Variants in FBXL7 observed in about 807,000 individuals in gnomAD.
FBXL7 encodes F-box and leucine rich repeat protein 7.
FBXL7 carries 12 observed loss-of-function variants against 38.3 expected under a neutral mutation model. The observed-to-expected ratio is 0.31, with a 90% confidence interval of 0.20 to 0.51. The LOEUF (loss-of-function observed/expected upper bound fraction) is 0.51. Ranked by LOEUF, FBXL7 falls within the 20% of genes least tolerant of loss-of-function variation. FBXL7 has a pLI of 0.98. For synonymous variants in FBXL7, 297 were observed against 300.9 expected (o/e 0.99, Z 0.13); for missense variants, 567 against 676.4 (o/e 0.84, Z 1.79).
In FBXL7 at chr5:15,928,169, G is replaced by A. The variant is rs550772953; in HGVS notation, c.407G>A (p.Arg136His). The A allele has an allele frequency of 7.5e-6, 12 of 1,609,698 alleles. No individual in the cohort carries two copies. The highest frequency in any genetic ancestry group is 6.7e-5 in the Admixed American group (4 of 59,508). Residue 136 changes from arginine (R) to histidine (H), a missense_variant, in exon 3 of 4, where the codon CGC becomes CAC. Physicochemically the swap from Arg to His is conservative, Grantham distance 29. Coordinates refer to ENST00000504595, the MANE Select transcript of FBXL7 (RefSeq NM_012304.5). This position sits in a 1 kb window ranked among gnomAD's most constrained non-coding sequence, Gnocchi z 4.0. ...TTCCTGCCCACCAACCAGCTGTGCC[G>A]CTGCGCGCGAGTGTGCCGCCGCTGG... ...FSFLPTNQLC[R>H]CARVCRRWYN...
chr5:15,821,834 C>A (rs1738177607), intron 2 of FBXL7, among the ~76,000 whole-genome samples: 1 of 152,182 alleles, frequency 6.6e-6, no homozygotes, highest in South Asian at 2.1e-4. Flanking sequence ...ATGAGCTGAA[C>A]ATCTCCAAGG....
intron 1 of FBXL7, among the ~76,000 whole-genome samples, chr5:15,508,869 G>A (rs1245590750): frequency 6.6e-6 from 1 of 151,856 alleles, no homozygotes; most frequent in Non-Finnish European, 1.5e-5. Flanking sequence ...TTATTTCTTT[G>A]CCTTTGGTGG....
intron 1 of FBXL7, among the ~76,000 whole-genome samples, chr5:15,533,888 G>T (rs1353125206): frequency 6.6e-6 from 1 of 152,172 alleles, no homozygotes; most frequent in Admixed American, 6.5e-5. Context: ...GGCAAAGAAG[G>T]ATGCTTTGGG....
intron 1 of FBXL7, among the ~76,000 whole-genome samples, chr5:15,588,396 T>C (rs1187517587): frequency 2.0e-5 from 3 of 151,704 alleles, no homozygotes; most frequent in Non-Finnish European, 4.4e-5. Context: ...TTTTTTTTTT[T>C]TTTTTTGAGA....
At position 15,876,550 on chromosome 5, in the gene FBXL7, G is replaced by T. The variant is rs574467225; in HGVS notation, c.128-51340G>T. The stretch of plus-strand genomic sequence containing the variant: ...TAAGGGCATTGCTTTTAAGCTCCAT[G>T]TTCAAAGGTTTCTCTTCATTTGAGT... On this transcript the variant is annotated intron_variant, in intron 2 of 3. Coordinates refer to ENST00000504595, the MANE Select transcript of FBXL7 (RefSeq NM_012304.5). Among the ~76,000 whole-genome samples, 13 of 152,242 alleles carry T rather than the reference G, an allele frequency of 8.5e-5. No individual in the cohort carries two copies. In the East Asian group the frequency reaches 1.5e-3, roughly 18 times the overall value.
intron 2 of FBXL7, among the ~76,000 whole-genome samples, chr5:15,858,924 G>A (rs1443095933): frequency 1.3e-5 from 2 of 152,088 alleles, no homozygotes; most frequent in African/African-American, 4.8e-5. Flanking sequence ...ATATGGTCTG[G>A]AAACAATTCT....
At chr5:15,770,605 A>G (rs1238553598) in intron 2 of FBXL7, among the ~76,000 whole-genome samples, 1 of 152,216 alleles carries the variant, frequency 6.6e-6, no homozygotes, top group Non-Finnish European at 1.5e-5. Flanking sequence ...AACTCTTACT[A>G]GTTTAAGTCT....
intron 2 of FBXL7, among the ~76,000 whole-genome samples, chr5:15,632,416 A>G (rs1741031473): frequency 6.6e-6 from 1 of 152,194 alleles, no homozygotes. Flanking sequence ...ATGCTTATAC[A>G]CTGTTGGTGG....
intron 2 of FBXL7, among the ~76,000 whole-genome samples, chr5:15,853,892 A>G (rs1275268669): frequency 3.9e-5 from 6 of 152,198 alleles, no homozygotes; most frequent in African/African-American, 1.4e-4. Flanking sequence ...TAAATTCCAC[A>G]TTTATAATAA....
At chr5:15,560,251 T>A (rs1190720238) in intron 1 of FBXL7, among the ~76,000 whole-genome samples, 1 of 152,234 alleles carries the variant, frequency 6.6e-6, no homozygotes, top group African/African-American at 2.4e-5. Flanking sequence ...TCTGTGCTGA[T>A]TCCTCTTGAC....
intron 2 of FBXL7, among the ~76,000 whole-genome samples, chr5:15,902,830 C>G (rs1741262323): frequency 6.6e-6 from 1 of 152,230 alleles, no homozygotes; most frequent in African/African-American, 2.4e-5. Context: ...ATTTTCACTT[C>G]TGGCTTTCTA....
At chr5:15,751,203 T>C (rs921652100) in intron 2 of FBXL7, among the ~76,000 whole-genome samples, 1 of 152,250 alleles carries the variant, frequency 6.6e-6, no homozygotes, top group Non-Finnish European at 1.5e-5. Context: ...GTTACACTAT[T>C]GAACACTTGC....
intron 2 of FBXL7, among the ~76,000 whole-genome samples, chr5:15,899,896 GA>G (rs1428163123): frequency 1.3e-5 from 2 of 152,164 alleles, no homozygotes; most frequent in African/African-American, 4.8e-5. Flanking sequence ...ACACACCTAA[GA>G]AAATGTCGCC....
chr5:15,696,391 T>C (rs1356413617), intron 2 of FBXL7, among the ~76,000 whole-genome samples: 1 of 152,188 alleles, frequency 6.6e-6, no homozygotes, highest in African/African-American at 2.4e-5. Flanking sequence ...ATTGGAAGGG[T>C]TTCTAGACAT....
chr5:15,621,597 C>G (rs1457986808), intron 2 of FBXL7, among the ~76,000 whole-genome samples: 1 of 152,148 alleles, frequency 6.6e-6, no homozygotes, highest in African/African-American at 2.4e-5. Flanking sequence ...AGCTGAGCCT[C>G]AGCTTCTTTC....
intron 1 of FBXL7, among the ~76,000 whole-genome samples, chr5:15,512,579 T>G (rs1736829407): frequency 1.3e-5 from 2 of 152,242 alleles, no homozygotes. Context: ...TCTCTGGACA[T>G]ATGTCTTTTT....
chr5:15,552,668 G>T (rs1231590085), intron 1 of FBXL7, among the ~76,000 whole-genome samples: 2 of 152,094 alleles, frequency 1.3e-5, no homozygotes, highest in African/African-American at 4.8e-5. Flanking sequence ...CTCCACTCTT[G>T]CCTCCCACAG....
At chr5:15,587,345 C>CAA (rs1396207186) in intron 1 of FBXL7, among the ~76,000 whole-genome samples, 1 of 152,140 alleles carries the variant, frequency 6.6e-6, no homozygotes, top group African/African-American at 2.4e-5. Flanking sequence ...GGTCTCAGCC[C>CAA]AAAGGTCCAC....
intron 2 of FBXL7, among the ~76,000 whole-genome samples, chr5:15,767,876 GA>G (rs759816005): frequency 1.3e-5 from 2 of 152,144 alleles, no homozygotes; most frequent in African/African-American, 2.4e-5. Flanking sequence ...CCTAAAACAG[GA>G]GGAATGGGTG....
Sources: allele counts gnomAD v4.1 joint callset (sites outside exome capture counted in the v4.1 genomes callset), GRCh38; gene constraint gnomAD v4.1.1; non-coding constraint Gnocchi (gnomAD v3.1); transcripts MANE v1.5; gene names NCBI Gene and HGNC (gene_info 2026-07-23, HGNC 2026-07-21).